Variants in CSMD1 observed in about 807,000 individuals in gnomAD.
The protein encoded by CSMD1 is CUB and sushi domain-containing protein 1.
A neutral mutation model predicts 417.5 loss-of-function variants in CSMD1; 213 were observed. The observed-to-expected ratio is 0.51, with a 90% CI of 0.46 to 0.57. The LOEUF (loss-of-function observed/expected upper bound fraction) is 0.57, where lower values mean the gene tolerates loss of function less well. Among genes scored for constraint, CSMD1 ranks in the 20% least tolerant of loss-of-function variants. The pLI is 0.00. For missense variants in CSMD1, 6,923 were observed against 4,529.7 expected, an observed-to-expected ratio of 1.53 and a Z score of -15.17; for synonymous variants, 2,862 against 1,736.8, an observed-to-expected ratio of 1.65 and a Z score of -16.11.
At chr8:3,030,480 T>C (rs1348032913) in intron 50 of CSMD1, among the ~76,000 whole-genome samples, 1 of 151,948 alleles carries the variant, frequency 6.6e-6, no homozygotes, top group African/African-American at 2.4e-5. Flanking sequence ...TCTTTTTTTG[T>C]GTGTGTGACA....
chr8:4,758,606 A>AT (rs1390496036), intron 1 of CSMD1, among the ~76,000 whole-genome samples: 8 of 152,162 alleles, frequency 5.3e-5, no homozygotes, highest in African/African-American at 1.9e-4. Flanking sequence ...TAAACAAAAG[A>AT]TGTTTAATTG....
chr8:4,787,420 G>A (rs1451217476), intron 1 of CSMD1: 1 of 752,154 alleles, frequency 1.3e-6, no homozygotes, highest in African/African-American at 1.7e-5. Context: ...TGCAGTCCAA[G>A]GACAAGATTA....
chr8:3,722,560 G>A (rs7837830), intron 6 of CSMD1, among the ~76,000 whole-genome samples: 117,767 of 152,010 alleles, frequency 0.77, 46,321 homozygotes, highest in South Asian at 0.9. Context: ...TCTTGTCAAT[G>A]TCTCCAAAAT....
At chr8:2,956,668 G>C (rs971637495) in intron 63 of CSMD1, among the ~76,000 whole-genome samples, 2 of 151,946 alleles carry the variant, frequency 1.3e-5, no homozygotes. Flanking sequence ...ATGTTAGCCA[G>C]GATGGTCTCG....
At chr8:4,773,492 AG>A (rs1796698608) in intron 1 of CSMD1, among the ~76,000 whole-genome samples, 1 of 152,190 alleles carries the variant, frequency 6.6e-6, no homozygotes, top group Admixed American at 6.5e-5. Context: ...TCATGGATAA[AG>A]AATACTCTCA....
intron 3 of CSMD1, among the ~76,000 whole-genome samples, chr8:4,203,168 G>A (rs918342535): frequency 6.6e-6 from 1 of 152,162 alleles, no homozygotes; most frequent in Admixed American, 6.5e-5. Context: ...AGAGGGACAT[G>A]TCATTTAAAA....
At chr8:3,996,967 G>T (rs545719846) in intron 5 of CSMD1, among the ~76,000 whole-genome samples, 1 of 152,214 alleles carries the variant, frequency 6.6e-6, no homozygotes, top group South Asian at 2.1e-4. Context: ...AATGCAAACT[G>T]CAACCTGCCG....
Position 3,709,682 on chromosome 8 carries a change from T to G in CSMD1, c.932-1191A>C, listed in dbSNP as rs75091936. Among the ~76,000 whole-genome samples, 4 of 79,220 alleles carry G rather than the reference T, an allele frequency of 5.0e-5. 2 individuals are homozygous for G. Among genetic ancestry groups the G allele is most frequent in the Admixed American group, 2.7e-4 (2 of 7,540 alleles). 52.0% of individuals were successfully genotyped at this position (79,220 alleles called of 152,430 possible). A position where few individuals can be genotyped will look rare whatever the true frequency, so the allele number is the denominator to read the frequency against. On this transcript the variant is annotated intron_variant, in intron 6 of 69. Coordinates refer to ENST00000635120, the MANE Select transcript of CSMD1 (RefSeq NM_033225.6). ...TGGGCTTTAAATTGCAGCAGCATGT[T>G]TTTTTTTTTTTTTTTTTTTTTTTTT...
At chr8:4,776,174 G>A (rs548539399) in intron 1 of CSMD1, among the ~76,000 whole-genome samples, 1 of 152,106 alleles carries the variant, frequency 6.6e-6, no homozygotes, top group African/African-American at 2.4e-5. Flanking sequence ...ACCCACATTA[G>A]TTTAGAAGAG....
intron 1 of CSMD1, among the ~76,000 whole-genome samples, chr8:4,987,782 G>T (rs1283627460): frequency 3.3e-5 from 5 of 152,148 alleles, no homozygotes; most frequent in Non-Finnish European, 7.3e-5. Flanking sequence ...TGTCATCTTG[G>T]CTAAAAGAAA....
intron 5 of CSMD1, among the ~76,000 whole-genome samples, chr8:3,924,392 T>C (rs1339921099): frequency 6.6e-6 from 1 of 152,184 alleles, no homozygotes; most frequent in African/African-American, 2.4e-5. Context: ...GGGCTTCATA[T>C]ACCTAGACAT....
intron 40 of CSMD1, among the ~76,000 whole-genome samples, chr8:3,145,245 C>T (rs1818773592): frequency 6.6e-6 from 1 of 152,130 alleles, no homozygotes; most frequent in Non-Finnish European, 1.5e-5. Context: ...TACGTATGTC[C>T]AGAGTACCAG....
chr8:3,413,269 C>A (rs1563363812), intron 12 of CSMD1, among the ~76,000 whole-genome samples: 1 of 152,100 alleles, frequency 6.6e-6, no homozygotes, highest in Non-Finnish European at 1.5e-5. Context: ...TTTGGGGATA[C>A]TATTTTTAAT....
chr8:3,598,628 G>C (rs1202367383), intron 8 of CSMD1, among the ~76,000 whole-genome samples: 1 of 152,116 alleles, frequency 6.6e-6, no homozygotes, highest in Admixed American at 6.5e-5. Flanking sequence ...GCTCAGTACA[G>C]TTCCTGAGGG....
intron 3 of CSMD1, among the ~76,000 whole-genome samples, chr8:4,410,387 T>C (rs1238752988): frequency 1.3e-5 from 2 of 152,188 alleles, no homozygotes; most frequent in African/African-American, 4.8e-5. Context: ...CATGTGCTTA[T>C]CCACATGTAA....
intron 1 of CSMD1, among the ~76,000 whole-genome samples, chr8:4,721,187 T>C (rs1048730820): frequency 2.6e-5 from 4 of 152,198 alleles, no homozygotes; most frequent in Non-Finnish European, 5.9e-5. Flanking sequence ...GCGATCCATA[T>C]ACTTTGTCCC....
At chr8:4,557,442 G>C (rs1357141312) in intron 2 of CSMD1, among the ~76,000 whole-genome samples, 1 of 146,476 alleles carries the variant, frequency 6.8e-6, no homozygotes, top group African/African-American at 2.5e-5. Context: ...TTTTTTTTTT[G>C]AAATGAGATG....
chr8:3,317,373 C>G (rs1334143197), intron 23 of CSMD1, among the ~76,000 whole-genome samples: 1 of 152,174 alleles, frequency 6.6e-6, no homozygotes, highest in Non-Finnish European at 1.5e-5. Context: ...AAATAGTAAT[C>G]GCAATAATTA....
At chr8:4,591,118 G>C (rs1428871514) in intron 2 of CSMD1, among the ~76,000 whole-genome samples, 1 of 152,242 alleles carries the variant, frequency 6.6e-6, no homozygotes, top group Non-Finnish European at 1.5e-5. Flanking sequence ...GCCATCAAAA[G>C]TATTGAGTTC....
Sources: gnomAD v4.1 joint callset for allele counts (sites outside exome capture counted in the v4.1 genomes callset) on GRCh38, gnomAD v4.1.1 for gene constraint, MANE v1.5 for transcripts, NCBI Gene and HGNC (gene_info 2026-07-23, HGNC 2026-07-21) for gene names.